FOCAD: variants seen among roughly 807,000 people sequenced by gnomAD.
FOCAD encodes the protein KIAA1797.
FOCAD carries 198 observed loss-of-function variants against 225.6 expected under a neutral mutation model. The ratio of observed to expected loss-of-function variants is 0.88; its 90% CI spans 0.78 to 0.99. The LOEUF (loss-of-function observed/expected upper bound fraction) is 0.99, where lower values mean the gene tolerates loss of function less well. Ranked by LOEUF, FOCAD falls within the 50% of genes least tolerant of loss-of-function variation. FOCAD has a pLI of 0.00. For missense variants in FOCAD, 2,713 were observed against 2,123.6 expected, an observed-to-expected ratio of 1.28 and a Z score of -5.46; for synonymous variants, 897 against 755.0, an observed-to-expected ratio of 1.19 and a Z score of -3.08.
rs994680663 is a variant in FOCAD, at chr9:20,796,023, T to C, written c.1455+6415T>C. Among the ~76,000 whole-genome samples, 21 of 151,682 alleles carry C rather than the reference T, an allele frequency of 1.4e-4. No individual in the cohort carries two copies. In the Middle Eastern group the frequency reaches 0.014, roughly 98 times the overall value. On this transcript the variant is annotated intron_variant, in intron 11 of 43. Coordinates refer to ENST00000338382, the MANE Select transcript of FOCAD (RefSeq NM_001375567.1). ...TGTTCCCCTTCCTGTGTCCATGTGT[T>C]CTCATTGTTCAATTCCCACCTATGA...
Position 20,986,393 on chromosome 9 carries a change from G to A in FOCAD, c.4834G>A (p.Glu1612Lys), listed in dbSNP as rs1181547650. The part of the protein sequence containing the change: ...DMLSVAVQHR[E>K]KEVLAWMILH... ...GCTGAGCGTTGCTGTGCAGCACCGT[G>A]AGAAAGAGGTGTTGGCCTGGATGAT... Residue 1612 changes from glutamate to lysine, a missense_variant, in exon 40 of 44, where the codon GAG becomes AAG. Physicochemically the swap from Glu to Lys is moderately conservative, Grantham distance 56. Transcript: ENST00000338382. 2.5e-6 allele frequency: 4 copies of A among 1,612,262 alleles called. No homozygotes were observed. The Admixed American group carries it at 6.7e-5, about 27-fold the overall frequency.
Position 20,804,410 on chromosome 9 carries a change from C to T in FOCAD, c.1455+14802C>T, listed in dbSNP as rs141833199. On this transcript the variant is annotated intron_variant, in intron 11 of 43. Coordinates refer to ENST00000338382, the MANE Select transcript of FOCAD (RefSeq NM_001375567.1). Reference sequence around the variant, plus strand: ...TGAGTTCCTAGTTACTTTTTGAAGCCGGGGAGGGTTCAGACAATGGTCTGC... The same window carrying T: ...TGAGTTCCTAGTTACTTTTTGAAGCTGGGGAGGGTTCAGACAATGGTCTGC... 3.2e-3 allele frequency among the ~76,000 whole-genome samples: 492 copies of T among 151,854 alleles called. 3 individuals are homozygous for T. Among genetic ancestry groups the T allele is most frequent in the African/African-American group, 0.011 (470 of 41,436 alleles).
intron 15 of FOCAD, among the ~76,000 whole-genome samples, chr9:20,839,606 C>G (rs565173575): frequency 3.9e-5 from 6 of 151,986 alleles, no homozygotes; most frequent in African/African-American, 1.4e-4. Context: ...CAACTCCACA[C>G]AAAAATTACT....
intron 15 of FOCAD, among the ~76,000 whole-genome samples, chr9:20,825,220 G>A (rs186537196): frequency 1.0e-4 from 15 of 150,680 alleles, no homozygotes; most frequent in African/African-American, 3.7e-4. Flanking sequence ...GTCCTGTGAT[G>A]TGTGTTACAG....
At chr9:20,828,322 T>C (rs746061897) in intron 15 of FOCAD, among the ~76,000 whole-genome samples, 1 of 152,088 alleles carries the variant, frequency 6.6e-6, no homozygotes, top group Admixed American at 6.6e-5. Flanking sequence ...AACAATAGAA[T>C]ATATATTTAG....
At chr9:20,688,870 A>G (rs1822811222) in intron 1 of FOCAD, among the ~76,000 whole-genome samples, 1 of 152,234 alleles carries the variant, frequency 6.6e-6, no homozygotes, top group Admixed American at 6.5e-5. Flanking sequence ...ACTAGTTCAT[A>G]TGATTCTGTG....
At chr9:20,722,745 A>G (rs552845563) in intron 4 of FOCAD, among the ~76,000 whole-genome samples, 3 of 152,288 alleles carry the variant, frequency 2.0e-5, no homozygotes, top group South Asian at 4.1e-4. Context: ...TAAGATTTTT[A>G]TGTGTCTCTT....
chr9:20,823,699 C>T (rs1824570094), intron 15 of FOCAD, among the ~76,000 whole-genome samples: 1 of 152,058 alleles, frequency 6.6e-6, no homozygotes, highest in African/African-American at 2.4e-5. Context: ...ATTCATTGAC[C>T]TAACCAAAGG....
At position 20,929,535 on chromosome 9, in the gene FOCAD, C is replaced by G. The variant is rs758130282; in HGVS notation, c.3256C>G (p.Gln1086Glu). The G allele has an allele frequency of 6.2e-7, 1 of 1,614,042 alleles. No homozygotes were observed. The highest frequency in any genetic ancestry group is 8.5e-7 in the Non-Finnish European group (1 of 1,180,026). ...AAGTGCTGATGAGTCTCAAGCCGTG[C>G]AAATCCACATGGGCCTTGCTTTAGG... ...KPSADESQAV[Q>E]IHMGLALGMF... Residue 1086 changes from glutamine (Q) to glutamate (E), a missense_variant, in exon 27 of 44, where the codon CAA (glutamine) becomes GAA (glutamate). Coordinates refer to ENST00000338382, the MANE Select transcript of FOCAD (RefSeq NM_001375567.1).
At chr9:20,815,134 T>TTG (rs1823559377) in intron 11 of FOCAD, among the ~76,000 whole-genome samples, 2 of 86,076 alleles carry the variant, frequency 2.3e-5, no homozygotes, top group Admixed American at 1.5e-4. Flanking sequence ...TTTTTTTTTT[T>TTG]TTGTTTTTTT....
At chr9:20,940,759 T>C (rs1836569321) in intron 28 of FOCAD, among the ~76,000 whole-genome samples, 1 of 152,190 alleles carries the variant, frequency 6.6e-6, no homozygotes, top group Non-Finnish European at 1.5e-5. Context: ...GAGTCTCAGA[T>C]AGGAGGCTTG....
At chr9:20,822,007 A>C (rs1255586843) in intron 14 of FOCAD, among the ~76,000 whole-genome samples, 1 of 149,422 alleles carries the variant, frequency 6.7e-6, no homozygotes, top group East Asian at 1.9e-4. Context: ...AAAAAAAAAA[A>C]AAAAAAAAAA....
intron 15 of FOCAD, among the ~76,000 whole-genome samples, chr9:20,835,657 G>A (rs370118023): frequency 1.6e-4 from 25 of 152,134 alleles, no homozygotes; most frequent in African/African-American, 3.1e-4. Flanking sequence ...AGGATGTGCC[G>A]AAATTAAAAT....
At chr9:20,889,741 T>C (rs1229136932) in intron 21 of FOCAD, among the ~76,000 whole-genome samples, 1 of 152,238 alleles carries the variant, frequency 6.6e-6, no homozygotes, top group East Asian at 1.9e-4. Flanking sequence ...TGCTTTTCTA[T>C]ATGAATTTTA....
At chr9:20,848,754 C>T (rs1346154240) in intron 15 of FOCAD, among the ~76,000 whole-genome samples, 1 of 151,802 alleles carries the variant, frequency 6.6e-6, no homozygotes, top group Non-Finnish European at 1.5e-5. Context: ...AGCAGTTTAC[C>T]AGGGGCACTA....
At chr9:20,845,442 G>GAGAGATATATATATATATATATAT (rs368497237) in intron 15 of FOCAD, among the ~76,000 whole-genome samples, 1 of 121,236 alleles carries the variant, frequency 8.2e-6, no homozygotes, top group African/African-American at 3.2e-5. Flanking sequence ...TCTTTTCCTC[G>GAGAGATATATATATATATATATAT]ATATATATAT....
chr9:20,943,746 C>T (rs1031515808), intron 28 of FOCAD, among the ~76,000 whole-genome samples: 1 of 152,128 alleles, frequency 6.6e-6, no homozygotes, highest in Non-Finnish European at 1.5e-5. Flanking sequence ...TGATGAGAGG[C>T]AAGGCAAGCC....
At chr9:20,845,393 G>A (rs1287680318) in intron 15 of FOCAD, among the ~76,000 whole-genome samples, 2 of 144,466 alleles carry the variant, frequency 1.4e-5, no homozygotes, top group African/African-American at 5.1e-5. Flanking sequence ...AACATATTTA[G>A]TAGAACCTGA....
intron 21 of FOCAD, among the ~76,000 whole-genome samples, chr9:20,904,276 G>T (rs1000664493): frequency 6.6e-6 from 1 of 151,860 alleles, no homozygotes; most frequent in Non-Finnish European, 1.5e-5. Flanking sequence ...ATATACCTAG[G>T]TGTGGAATTG....
Sources: gnomAD v4.1 joint callset for allele counts (sites outside exome capture counted in the v4.1 genomes callset) on GRCh38, gnomAD v4.1.1 for gene constraint, MANE v1.5 for transcripts, NCBI Gene and HGNC (gene_info 2026-07-23, HGNC 2026-07-21) for gene names.